Variants in RHOU observed in about 807,000 individuals in gnomAD.
The protein encoded by RHOU is ras homolog family member U.
In RHOU, 8 loss-of-function variants were observed where a neutral mutation model predicts 12.6. The observed-to-expected ratio is 0.64, with a 90% CI of 0.37 to 1.15. RHOU has a LOEUF of 1.15. Ranked by LOEUF, RHOU falls within the 50% of genes most tolerant of loss-of-function variation. RHOU has a pLI of 0.01. For synonymous variants in RHOU, 161 were observed against 147.4 expected (o/e 1.09, Z -0.67); for missense variants, 258 against 347.0 (o/e 0.74, Z 2.04).
chr1:228,733,994 C>G (rs1662544754), upstream of RHOU, among the ~76,000 whole-genome samples: 1 of 152,076 alleles, frequency 6.6e-6, no homozygotes, highest in Non-Finnish European at 1.5e-5. Context: ...ATAAATTTTG[C>G]ATCCTTGACA....
Position 228,743,589 on chromosome 1 carries a change from A to G in RHOU, c.626A>G (p.Lys209Arg). 2 of 1,614,212 alleles carry G rather than the reference A, an allele frequency of 1.2e-6. No individual in the cohort carries two copies. Among genetic ancestry groups the G allele is most frequent in the East Asian group, 2.2e-5 (1 of 44,888 alleles). ...SYIECSALTQ[K>R]NLKEVFDAAI... ...ATCGAGTGTTCAGCCTTGACTCAAA[A>G]AAACCTCAAAGAGGTCTTTGATGCA... Residue 209 changes from lysine (K) to arginine (R), a missense_variant, in exon 3 of 3, where the codon AAA (lysine) becomes AGA (arginine). By Grantham distance (26) the Lys-to-Arg change is conservative. Transcript: ENST00000366691. The surrounding 1 kb of genome is among the most constrained non-coding windows in gnomAD (Gnocchi z 5.1).
rs921709814 is a variant in RHOU, at chr1:228,745,634, G to A, written c.*1894G>A. The A allele has an allele frequency of 1.3e-5, 2 of 152,170 alleles. No homozygotes were observed. Among genetic ancestry groups the A allele is most frequent in the Non-Finnish European group, 2.9e-5 (2 of 68,036 alleles). The allele number at this position is 152,170 out of a possible 1,614,324, so 9.4% of individuals were successfully genotyped here. A position where few individuals can be genotyped will look rare whatever the true frequency, so the allele number is the denominator to read the frequency against. ...CGGTCATAGTTTCCTGAAGCATTTA[G>A]TTACAACCTGAAGGAATAAAATGAT... is the stretch of plus-strand genomic sequence containing the variant. On this transcript the variant is annotated 3_prime_UTR_variant, in exon 3 of 3. Coordinates refer to ENST00000366691, the MANE Select transcript of RHOU (RefSeq NM_021205.6).
the RHOU span, among the ~76,000 whole-genome samples, chr1:228,725,339 G>C: frequency 6.6e-6 from 1 of 152,302 alleles, no homozygotes; most frequent in South Asian, 2.1e-4. Context: ...CTCATTTCCT[G>C]CTGTCCTTTA....
the RHOU span, among the ~76,000 whole-genome samples, chr1:228,654,255 C>T: frequency 6.6e-6 from 1 of 152,030 alleles, no homozygotes; most frequent in South Asian, 2.1e-4. Context: ...ACTACAGGCA[C>T]ACATCACCAT....
chr1:228,680,122 C>T, the RHOU span, among the ~76,000 whole-genome samples: 3 of 151,992 alleles, frequency 2.0e-5, no homozygotes, highest in Admixed American at 1.3e-4. Context: ...GGGTTGCCTC[C>T]GTATTGATTA....
At chr1:228,668,547 C>T in the RHOU span, among the ~76,000 whole-genome samples, 18 of 152,132 alleles carry the variant, frequency 1.2e-4, no homozygotes, top group Non-Finnish European at 5.9e-5. Flanking sequence ...TGAGGGCAAA[C>T]CACCACACAC....
the RHOU span, among the ~76,000 whole-genome samples, chr1:228,679,522 GT>G: frequency 6.6e-6 from 1 of 151,908 alleles, no homozygotes; most frequent in Non-Finnish European, 1.5e-5. Context: ...GAATATATGG[GT>G]TTGGCACCAT....
chr1:228,674,822 T>C, the RHOU span, among the ~76,000 whole-genome samples: 1 of 152,004 alleles, frequency 6.6e-6, no homozygotes, highest in Non-Finnish European at 1.5e-5. Context: ...GCTCCGCCTC[T>C]CGGGTTCACG....
the RHOU span, among the ~76,000 whole-genome samples, chr1:228,675,856 G>T: frequency 6.6e-6 from 1 of 152,064 alleles, no homozygotes; most frequent in Non-Finnish European, 1.5e-5. Context: ...TTGGACTAGG[G>T]TTTAGGGCTG....
At chr1:228,686,493 G>C in the RHOU span, among the ~76,000 whole-genome samples, 1 of 152,098 alleles carries the variant, frequency 6.6e-6, no homozygotes, top group African/African-American at 2.4e-5. Flanking sequence ...TATTATGTTT[G>C]ACAATATATT....
chr1:228,662,592 A>G, the RHOU span, among the ~76,000 whole-genome samples: 220 of 151,324 alleles, frequency 1.5e-3, no homozygotes, highest in African/African-American at 5.2e-3. Context: ...CAGAAAACCA[A>G]ACACTGCATG....
At chr1:228,703,945 T>C in the RHOU span, among the ~76,000 whole-genome samples, 3 of 151,730 alleles carry the variant, frequency 2.0e-5, 1 homozygote, top group South Asian at 6.3e-4. Flanking sequence ...GTGACATACC[T>C]CCCTCACAAT....
chr1:228,696,021 G>T, the RHOU span, among the ~76,000 whole-genome samples: 5 of 152,094 alleles, frequency 3.3e-5, no homozygotes, highest in African/African-American at 1.2e-4. Flanking sequence ...AGGATTTTAC[G>T]AATTATATGC....
chr1:228,651,031 T>C, the RHOU span: 1 of 281,912 alleles, frequency 3.5e-6, no homozygotes, highest in Non-Finnish European at 7.3e-6. Context: ...GGTTCTCCTG[T>C]TCACCCACCA....
Position 228,744,861 on chromosome 1 carries a change from G to T in RHOU, c.*1121G>T, listed in dbSNP as rs1224400843. 1 of 152,172 alleles carries T rather than the reference G, an allele frequency of 6.6e-6. No individual in the cohort carries two copies. Among genetic ancestry groups the T allele is most frequent in the African/African-American group, 2.4e-5 (1 of 41,430 alleles). 9.4% of individuals were successfully genotyped at this position (152,172 alleles called of 1,614,324 possible). On this transcript the variant is annotated 3_prime_UTR_variant, in exon 3 of 3. Coordinates refer to ENST00000366691, the MANE Select transcript of RHOU (RefSeq NM_021205.6). ...TGGCCACAAAAACAGATGCTAGGAA[G>T]CTTGGCTTCCTCTTCTTGTTGACCC...
chr1:228,668,280 G>C, the RHOU span, among the ~76,000 whole-genome samples: 1 of 152,178 alleles, frequency 6.6e-6, no homozygotes, highest in African/African-American at 2.4e-5. Context: ...CTTTGTAATG[G>C]ACTGGTAAAT....
the RHOU span, among the ~76,000 whole-genome samples, chr1:228,694,349 G>T: frequency 6.6e-6 from 1 of 151,906 alleles, no homozygotes; most frequent in Non-Finnish European, 1.5e-5. Context: ...TTAATTCTGG[G>T]GTCCATGTGC....
chr1:228,744,118 T>C lies in RHOU; in HGVS notation c.*378T>C. On this transcript the variant is annotated 3_prime_UTR_variant, in exon 3 of 3. Transcript: ENST00000366691. ...AAGGGAGGAACACTATGGTTAACCC[T>C]CTCTTGATTAAGGGCTACTTAATGC... is the stretch of plus-strand genomic sequence containing the variant. The C allele has an allele frequency of 5.2e-6, 1 of 192,140 alleles. No homozygotes were observed. The highest frequency in any genetic ancestry group is 1.3e-4 in the East Asian group (1 of 7,440). 11.9% of individuals were successfully genotyped at this position (192,140 alleles called of 1,614,324 possible).
chr1:228,664,525 A>G, the RHOU span, among the ~76,000 whole-genome samples: 581 of 152,122 alleles, frequency 3.8e-3, 2 homozygotes, highest in African/African-American at 0.013. Context: ...TTGGGAAAAA[A>G]CCCAACAGTT....
Sources: allele counts gnomAD v4.1 joint callset (sites outside exome capture counted in the v4.1 genomes callset), GRCh38; gene constraint gnomAD v4.1.1; non-coding constraint Gnocchi (gnomAD v3.1); transcripts MANE v1.5; gene names NCBI Gene and HGNC (gene_info 2026-07-23, HGNC 2026-07-21).